The following TSHZ3 variants were observed in gnomAD, a reference collection of about 807,000 sequenced individuals.
TSHZ3 encodes teashirt homolog 3.
A neutral mutation model predicts 64.5 loss-of-function variants in TSHZ3; 10 were observed. The ratio of observed to expected loss-of-function variants is 0.16; its 90% confidence interval spans 0.10 to 0.26. The LOEUF (loss-of-function observed/expected upper bound fraction) is 0.26, where lower values mean the gene tolerates loss of function less well. TSHZ3 is among the 10% of genes least tolerant of loss of function. TSHZ3 has a pLI of 1.00. For synonymous variants in TSHZ3, 608 were observed against 593.1 expected (o/e 1.03, Z -0.36); for missense variants, 1,242 against 1,421.7 (o/e 0.87, Z 2.03).
At chr19:31,229,665 T>C (rs551731480) in intron 3 of TSHZ3, among the ~76,000 whole-genome samples, 1 of 152,222 alleles carries the variant, frequency 6.6e-6, no homozygotes, top group South Asian at 2.1e-4. Context: ...CATAACTATA[T>C]CTAAGAGCAA....
chr19:31,294,988 T>C (rs1057108072), intron 1 of TSHZ3, among the ~76,000 whole-genome samples: 5 of 152,160 alleles, frequency 3.3e-5, no homozygotes, highest in Non-Finnish European at 7.3e-5. Flanking sequence ...ATAGCAATCT[T>C]TACTACAAAA....
At chr19:31,310,049 A>G (rs1916413526) in intron 1 of TSHZ3, among the ~76,000 whole-genome samples, 1 of 152,180 alleles carries the variant, frequency 6.6e-6, no homozygotes, top group African/African-American at 2.4e-5. Context: ...GGAATTTGTG[A>G]TGATGGGAAA....
chr19:31,197,560 G>A (rs1051419308), intron 5 of TSHZ3, among the ~76,000 whole-genome samples: 2 of 151,280 alleles, frequency 1.3e-5, no homozygotes, highest in Non-Finnish European at 3.0e-5. Flanking sequence ...ATTAAAAACC[G>A]GTGCCCCAGC....
chr19:31,272,186 G>A (rs543136310), downstream of TSHZ3, among the ~76,000 whole-genome samples: 3 of 152,290 alleles, frequency 2.0e-5, no homozygotes, highest in East Asian at 3.9e-4. Context: ...CCACTCACGG[G>A]TTTCTGTCTT....
intron 1 of TSHZ3, among the ~76,000 whole-genome samples, chr19:31,297,545 T>C (rs1302621291): frequency 1.3e-5 from 2 of 152,220 alleles, no homozygotes; most frequent in Non-Finnish European, 2.9e-5. Flanking sequence ...GGTGTGATCA[T>C]GGCTCACCTG....
rs374144425 is a variant in TSHZ3, at chr19:31,277,435, G to A, written c.2358C>T (p.Asn786=). 7.4e-5 allele frequency: 119 copies of A among 1,614,090 alleles called. No individual in the cohort carries two copies. Among genetic ancestry groups the A allele is most frequent in the South Asian group, 8.8e-5 (8 of 91,060 alleles). Residue 786 remains asparagine (N), a synonymous_variant, in exon 2 of 2, where the codon AAC becomes AAT. Coordinates refer to ENST00000240587, the MANE Select transcript of TSHZ3 (RefSeq NM_020856.4). The surrounding 1 kb of genome is among the most constrained non-coding windows in gnomAD (Gnocchi z 4.5). ...HLDRYFYHVN[N]DQPIDLTKGK... ...CTTTTGTCAAGTCTATGGGCTGGTC[G>A]TTGTTGACGTGGTAGAAATAGCGGT...
intron 1 of TSHZ3, among the ~76,000 whole-genome samples, chr19:31,303,456 C>G (rs1208878091): frequency 1.3e-5 from 2 of 152,086 alleles, no homozygotes; most frequent in East Asian, 3.9e-4. Context: ...GTGGAGGGCT[C>G]AGCTCATGAT....
At chr19:31,260,997 C>T (rs373501227) in intron 1 of TSHZ3, among the ~76,000 whole-genome samples, 14 of 152,172 alleles carry the variant, frequency 9.2e-5, no homozygotes, top group East Asian at 1.9e-4. Context: ...GAATGCGGGG[C>T]GTGGTGGCCA....
At chr19:31,272,882 C>T (rs1327897556), downstream of TSHZ3, among the ~76,000 whole-genome samples, 2 of 152,192 alleles carry the variant, frequency 1.3e-5, no homozygotes, top group Non-Finnish European at 2.9e-5. Flanking sequence ...TAAAACCTCC[C>T]TCCCTTGGCA....
At chr19:31,289,072 G>A (rs1299260690) in intron 1 of TSHZ3, among the ~76,000 whole-genome samples, 1 of 152,212 alleles carries the variant, frequency 6.6e-6, no homozygotes, top group Non-Finnish European at 1.5e-5. Context: ...ATTTCATAAG[G>A]AGTGGGCATA....
chr19:31,165,374 AAC>A (rs1457827014), intron 5 of TSHZ3, among the ~76,000 whole-genome samples: 1 of 149,524 alleles, frequency 6.7e-6, no homozygotes, highest in Non-Finnish European at 1.5e-5. Context: ...CCTTTTAAAA[AAC>A]ACATTTTTTT....
intron 1 of TSHZ3, among the ~76,000 whole-genome samples, chr19:31,305,276 C>T (rs1184502741): frequency 4.0e-5 from 6 of 149,842 alleles, no homozygotes; most frequent in African/African-American, 9.9e-5. Context: ...CTGTTGATTT[C>T]GTTATTTGAA....
intron 5 of TSHZ3, among the ~76,000 whole-genome samples, chr19:31,165,470 T>C (rs1156508148): frequency 6.6e-6 from 1 of 152,170 alleles, no homozygotes; most frequent in Non-Finnish European, 1.5e-5. Flanking sequence ...GGGTGGAACA[T>C]TGGCCTACCT....
intron 3 of TSHZ3, among the ~76,000 whole-genome samples, chr19:31,231,068 A>G (rs1047576071): frequency 2.0e-5 from 3 of 152,064 alleles, no homozygotes; most frequent in African/African-American, 7.2e-5. Flanking sequence ...AATAATAATG[A>G]GGATGATCAC....
At chr19:31,176,679 C>G (rs1048838897) in intron 5 of TSHZ3, among the ~76,000 whole-genome samples, 1 of 152,044 alleles carries the variant, frequency 6.6e-6, no homozygotes, top group African/African-American at 2.4e-5. Context: ...AGTCCCAGCT[C>G]CTAGGGAGGC....
intron 5 of TSHZ3, among the ~76,000 whole-genome samples, chr19:31,176,819 C>CA (rs1482890994): frequency 1.3e-5 from 2 of 151,904 alleles, no homozygotes; most frequent in African/African-American, 4.8e-5. Flanking sequence ...ACAACAACAA[C>CA]AACAACAAAA....
chr19:31,268,615 C>T (rs1976089738), intron 1 of TSHZ3, among the ~76,000 whole-genome samples: 1 of 152,154 alleles, frequency 6.6e-6, no homozygotes, highest in Non-Finnish European at 1.5e-5. Context: ...GATTACAGCC[C>T]TCTTCCCTCC....
At chr19:31,290,415 T>A (rs189321918) in intron 1 of TSHZ3, among the ~76,000 whole-genome samples, 156 of 151,582 alleles carry the variant, frequency 1.0e-3, no homozygotes, top group Non-Finnish European at 1.8e-3. Context: ...AAGTGTGGGA[T>A]GGAATGGAGG....
At chr19:31,185,097 A>C (rs1458957123) in intron 5 of TSHZ3, among the ~76,000 whole-genome samples, 5 of 76,696 alleles carry the variant, frequency 6.5e-5, no homozygotes, top group Non-Finnish European at 1.3e-4. Context: ...AAACAAGGAA[A>C]CAACAACAAA....
Sources: gnomAD v4.1 joint callset for allele counts (sites outside exome capture counted in the v4.1 genomes callset) on GRCh38, gnomAD v4.1.1 for gene constraint, Gnocchi (gnomAD v3.1) non-coding constraint, MANE v1.5 for transcripts, NCBI Gene and HGNC (gene_info 2026-07-23, HGNC 2026-07-21) for gene names.